Variants in TSPEAR observed in about 807,000 individuals in gnomAD.
TSPEAR encodes the protein thrombospondin type laminin G domain and EAR repeats.
A neutral mutation model predicts 71.6 loss-of-function variants in TSPEAR; 69 were observed. The ratio of observed to expected loss-of-function variants is 0.96; its 90% CI spans 0.79 to 1.18. The LOEUF is 1.18. Ranked by LOEUF, TSPEAR falls within the 50% of genes most tolerant of loss-of-function variation. The probability of loss-of-function intolerance (pLI) is 0.00; values close to 1 mark genes in which losing one functional copy is unlikely to be tolerated. For synonymous variants in TSPEAR, 402 were observed against 387.2 expected (o/e 1.04, Z -0.45); for missense variants, 971 against 894.9 (o/e 1.09, Z -1.09).
Position 44,579,867 on chromosome 21 carries a change from A to G in TSPEAR, c.83-11862T>C, listed in dbSNP as rs1445667534. The G allele has an allele frequency of 2.5e-5, 40 of 1,597,450 alleles. No individual in the cohort carries two copies. Among genetic ancestry groups the G allele is most frequent in the Non-Finnish European group, 3.1e-5 (36 of 1,168,486 alleles). On this transcript the variant is annotated intron_variant, in intron 1 of 11. Coordinates refer to ENST00000323084, the MANE Select transcript of TSPEAR (RefSeq NM_144991.3). ...GAGGAGGCAGGGGCACAGCAGGAGGAGATGGGCAGGCAGCAGGCGGGCCTG... is the reference window on the plus strand; with the variant it reads ...GAGGAGGCAGGGGCACAGCAGGAGGGGATGGGCAGGCAGCAGGCGGGCCTG...
intron 1 of TSPEAR, among the ~76,000 whole-genome samples, chr21:44,665,555 A>C (rs1985707299): frequency 6.6e-6 from 1 of 152,382 alleles, no homozygotes; most frequent in South Asian, 2.1e-4. Flanking sequence ...CACCCATTTC[A>C]GGAATACATA....
chr21:44,571,414 G>C (rs1250218841), intron 1 of TSPEAR, among the ~76,000 whole-genome samples: 1 of 152,252 alleles, frequency 6.6e-6, no homozygotes, highest in Non-Finnish European at 1.5e-5. Context: ...ACGATTCTTA[G>C]TGGGGAAACC....
intron 1 of TSPEAR, chr21:44,627,057 G>A: frequency 6.7e-7 from 1 of 1,490,480 alleles, no homozygotes; most frequent in South Asian, 1.3e-5. Flanking sequence ...AACAAGGCCA[G>A]GAGGGGTATA....
intron 9 of TSPEAR, among the ~76,000 whole-genome samples, chr21:44,511,370 A>AGG (rs1555912669): frequency 2.7e-4 from 41 of 152,268 alleles, no homozygotes; most frequent in African/African-American, 9.4e-4. Context: ...GTACACACAC[A>AGG]CATATATGCT....
intron 1 of TSPEAR, among the ~76,000 whole-genome samples, chr21:44,576,144 A>C (rs1978426902): frequency 6.6e-6 from 1 of 152,258 alleles, no homozygotes; most frequent in Non-Finnish European, 1.5e-5. Context: ...GATCAGAAAG[A>C]ATTTCCATGC....
intron 1 of TSPEAR, among the ~76,000 whole-genome samples, chr21:44,660,921 C>T (rs782275894): frequency 3.3e-5 from 5 of 151,932 alleles, no homozygotes; most frequent in African/African-American, 1.2e-4. Flanking sequence ...GAGCCAAGAT[C>T]GCACCACTGC....
intron 1 of TSPEAR, chr21:44,601,929 T>C (rs1980961455): frequency 2.5e-6 from 2 of 787,316 alleles, no homozygotes; most frequent in Admixed American, 5.9e-5. Flanking sequence ...TTCCCCCAAT[T>C]ACCCAGCCCT....
chr21:44,513,899 T>C (rs1309797719), intron 9 of TSPEAR, among the ~76,000 whole-genome samples: 2 of 152,066 alleles, frequency 1.3e-5, no homozygotes, highest in Non-Finnish European at 2.9e-5. Context: ...TGGACAAGCA[T>C]CCCGGGTGGC....
At chr21:44,536,732 T>C (rs1392594297) in intron 2 of TSPEAR, among the ~76,000 whole-genome samples, 2 of 152,190 alleles carry the variant, frequency 1.3e-5, no homozygotes. Context: ...AGATTGGAAA[T>C]GAGAAGTTAA....
At position 44,533,851 on chromosome 21, in the gene TSPEAR, C is replaced by T. The variant is rs2053027521; in HGVS notation, c.376G>A (p.Ala126Thr). ...CGAAGGAACAGGAAGTGCAGCTGGG[C>T]AGGTGACAACCGCAGGCCGAGCAGC... is the stretch of plus-strand genomic sequence containing the variant. ...LLLLGLRLSP[A>T]QLHFLFLRED... The change falls in exon 3 of 12, where the codon GCC becomes ACC. Residue 126 changes from alanine to threonine, a missense_variant. Coordinates refer to ENST00000323084, the MANE Select transcript of TSPEAR (RefSeq NM_144991.3). 1 of 1,612,502 alleles carries T rather than the reference C, an allele frequency of 6.2e-7. No homozygotes were observed. The highest frequency in any genetic ancestry group is 8.5e-7 in the Non-Finnish European group (1 of 1,179,910).
In TSPEAR at chr21:44,509,224, TG is replaced by T. The variant is rs782540538; in HGVS notation, c.1728del (p.Lys577SerfsTer37). On this transcript the variant is annotated frameshift_variant, in exon 10 of 12. Transcript: ENST00000323084. LOFTEE classifies it high-confidence loss of function. The stretch of plus-strand genomic sequence containing the variant: ...CTGCAGGTGAGAATGTCCTGGAACT[TG>T]ACAAAGGCCTGCGCGGTCACGTTCA... Reference protein sequence around the residue: ...YELNVTAQAFVKFQDILTCSA... With the variant: ...YELNVTAQAFXKFQDILTCSA... 59 of 1,613,932 alleles carry T rather than the reference TG, an allele frequency of 3.7e-5. No homozygotes were observed. The Middle Eastern group carries it at 6.6e-4, about 18-fold the overall frequency.
intron 1 of TSPEAR, among the ~76,000 whole-genome samples, chr21:44,628,901 G>A (rs2146206359): frequency 6.6e-6 from 1 of 151,904 alleles, no homozygotes; most frequent in Admixed American, 6.5e-5. Flanking sequence ...GCAGAGAACA[G>A]ACACGTGGTC....
chr21:44,658,464 CCA>C, intron 1 of TSPEAR: 1 of 607,366 alleles, frequency 1.6e-6, no homozygotes, highest in East Asian at 2.8e-5. Context: ...GTCTTGGCTG[CCA>C]GAGTCCTTCT....
chr21:44,701,294 C>T (rs1555951497), intron 1 of TSPEAR, among the ~76,000 whole-genome samples: 3 of 152,110 alleles, frequency 2.0e-5, no homozygotes, highest in African/African-American at 2.4e-5. Context: ...CGACGTGAAA[C>T]GATATATTCT....
At chr21:44,641,460 CAGA>C (rs1984017356) in intron 1 of TSPEAR, among the ~76,000 whole-genome samples, 1 of 152,094 alleles carries the variant, frequency 6.6e-6, no homozygotes, top group African/African-American at 2.4e-5. Flanking sequence ...AAACCCAATG[CAGA>C]AGGACAGAGA....
intron 1 of TSPEAR, among the ~76,000 whole-genome samples, chr21:44,700,053 G>A (rs1194398150): frequency 3.9e-5 from 6 of 152,226 alleles, no homozygotes; most frequent in African/African-American, 1.2e-4. Flanking sequence ...CAACAGTCCT[G>A]TCCACAGGTA....
chr21:44,601,844 G>C, intron 1 of TSPEAR: 2 of 1,421,294 alleles, frequency 1.4e-6, no homozygotes, highest in Non-Finnish European at 1.9e-6. Context: ...TGCAGTGGAC[G>C]TCAGTGGTCA....
intron 1 of TSPEAR, among the ~76,000 whole-genome samples, chr21:44,694,784 C>T (rs1391520837): frequency 2.0e-5 from 3 of 152,204 alleles, no homozygotes; most frequent in Admixed American, 1.3e-4. Context: ...GTTGACCTTG[C>T]TGAGTCTCAG....
intron 10 of TSPEAR, among the ~76,000 whole-genome samples, chr21:44,505,419 T>A (rs1759702160): frequency 1.3e-5 from 2 of 151,966 alleles, no homozygotes; most frequent in Non-Finnish European, 2.9e-5. Flanking sequence ...AACATAACAT[T>A]TCCCACCTCA....
Sources: allele counts gnomAD v4.1 joint callset (sites outside exome capture counted in the v4.1 genomes callset), GRCh38; gene constraint gnomAD v4.1.1; transcripts MANE v1.5; gene names NCBI Gene and HGNC (gene_info 2026-07-23, HGNC 2026-07-21).